The following LOXHD1 variants were observed in gnomAD, a reference collection of about 807,000 sequenced individuals.
The protein encoded by LOXHD1 is lipoxygenase homology PLAT domains 1.
A neutral mutation model predicts 248.2 loss-of-function variants in LOXHD1; 205 were observed. That is an observed-to-expected ratio of 0.83 (90% CI 0.74 to 0.93). The LOEUF (loss-of-function observed/expected upper bound fraction) is 0.93, where lower values mean the gene tolerates loss of function less well. Among genes scored for constraint, LOXHD1 ranks in the 40% least tolerant of loss-of-function variants. The probability of loss-of-function intolerance (pLI) is 0.00; values close to 1 mark genes in which losing one functional copy is unlikely to be tolerated. For missense variants in LOXHD1, 2,930 were observed against 2,971.6 expected (o/e 0.99, Z 0.33); for synonymous variants, 1,113 against 1,162.8 (o/e 0.96, Z 0.87).
intron 34 of LOXHD1, among the ~76,000 whole-genome samples, chr18:46,513,635 A>T (rs1312951895): frequency 6.6e-6 from 1 of 152,230 alleles, no homozygotes; most frequent in African/African-American, 2.4e-5. Context: ...AGCTGCAAGG[A>T]GTGGATTCTC....
At position 46,560,138 on chromosome 18, in the gene LOXHD1, C is replaced by A; in HGVS notation, c.3006G>T (p.Lys1002Asn). The change falls in exon 19 of 41, where the codon AAG becomes AAT. Residue 1002 changes from lysine (K) to asparagine (N), a missense_variant. Physicochemically the swap from Lys to Asn is moderately conservative, Grantham distance 94. Coordinates refer to ENST00000642948, the MANE Select transcript of LOXHD1 (RefSeq NM_001384474.1). The stretch of plus-strand genomic sequence containing the variant: ...ACTCCACGACAAGTTCGTTGTCCTC[C>A]TTGCCCCGGGCCAGCCAGCGGTGGG... ...FEAHRWLARG[K>N]EDNELVVELV... The A allele has an allele frequency of 6.4e-7, 1 of 1,551,194 alleles. No homozygotes were observed. Among genetic ancestry groups the A allele is most frequent in the Non-Finnish European group, 8.7e-7 (1 of 1,146,798 alleles).
At chr18:46,533,140 AG>A (rs993338885) in intron 28 of LOXHD1, 21 bp downstream of exon 28, 1 of 1,551,110 alleles carries the variant, frequency 6.4e-7, no homozygotes, top group Non-Finnish European at 8.7e-7. Flanking sequence ...CATGGTGATG[AG>A]GGTGGCCACA....
intron 14 of LOXHD1, among the ~76,000 whole-genome samples, chr18:46,572,736 T>C (rs571841943): frequency 5.2e-4 from 79 of 152,048 alleles, no homozygotes; most frequent in Non-Finnish European, 7.1e-4. Context: ...TATGCTAGGA[T>C]ACGTAAGGCC....
chr18:46,639,870 C>T (rs1231988088), intron 3 of LOXHD1, 70 bp from the exon 4 acceptor site: 2 of 1,512,796 alleles, frequency 1.3e-6, no homozygotes, highest in East Asian at 2.5e-5. Context: ...TACTGGAATA[C>T]CCAGATGTTT....
At position 46,518,195 on chromosome 18, in the gene LOXHD1, A is replaced by G. The variant is rs1410410070; in HGVS notation, c.5333T>C (p.Ile1778Thr). Residue 1778 changes from isoleucine (I) to threonine (T), a missense_variant, in exon 34 of 41, where the codon ATC (isoleucine) becomes ACC (threonine). Coordinates refer to ENST00000642948, the MANE Select transcript of LOXHD1 (RefSeq NM_001384474.1). Reference sequence around the variant, plus strand: ...GTTGATGCCGTAGAGGGTCATGAAGATGTTGGAGTCAGTGCCCCCGCCAAC... The same window carrying G: ...GTTGATGCCGTAGAGGGTCATGAAGGTGTTGGAGTCAGTGCCCCCGCCAAC... ...DVVGGGTDSN[I>T]FMTLYGINGS... 1 of 1,551,688 alleles carries G rather than the reference A, an allele frequency of 6.4e-7. No individual in the cohort carries two copies. The highest frequency in any genetic ancestry group is 2.4e-5 in the East Asian group (1 of 40,914).
At chr18:46,491,143 A>C (rs1288522079) in intron 37 of LOXHD1, among the ~76,000 whole-genome samples, 1 of 152,244 alleles carries the variant, frequency 6.6e-6, no homozygotes, top group Admixed American at 6.5e-5. Context: ...TCCTCCTCCC[A>C]CCATTCATCC....
At chr18:46,544,826 G>A (rs1292984824) in intron 23 of LOXHD1, 1 of 471,472 alleles carries the variant, frequency 2.1e-6, no homozygotes, top group Non-Finnish European at 4.4e-6. Flanking sequence ...ATAATGCTTG[G>A]CACTAGGCTC....
intron 15 of LOXHD1, among the ~76,000 whole-genome samples, chr18:46,571,588 A>T (rs1044338192): frequency 1.3e-5 from 2 of 152,236 alleles, no homozygotes; most frequent in Non-Finnish European, 2.9e-5. Context: ...GCAGAGCTCA[A>T]ATGAGATAAT....
intron 27 of LOXHD1, 76 bp from the exon 28 acceptor site, chr18:46,533,400 C>T (rs1027148451): frequency 1.3e-6 from 2 of 1,486,642 alleles, no homozygotes; most frequent in Non-Finnish European, 1.8e-6. Flanking sequence ...CAGCTCAATA[C>T]TCATGGAGAC....
intron 37 of LOXHD1, among the ~76,000 whole-genome samples, chr18:46,499,663 T>C (rs2034101091): frequency 6.6e-6 from 1 of 151,906 alleles, no homozygotes; most frequent in South Asian, 2.1e-4. Context: ...GTGTGTGGTG[T>C]GTGTTTGTGT....
At chr18:46,629,792 TA>T (rs774591794) in intron 4 of LOXHD1, among the ~76,000 whole-genome samples, 606 of 126,556 alleles carry the variant, frequency 4.8e-3, no homozygotes, top group East Asian at 8.7e-3. Flanking sequence ...CACTGGGCAT[TA>T]AAAAAAAAAA....
chr18:46,571,896 C>T (rs574590390), intron 15 of LOXHD1, among the ~76,000 whole-genome samples, 190 bp downstream of exon 15: 21 of 152,326 alleles, frequency 1.4e-4, no homozygotes, highest in African/African-American at 4.6e-4. Flanking sequence ...CACCTGAGGC[C>T]ACAAAGAGAC....
intron 2 of LOXHD1, among the ~76,000 whole-genome samples, chr18:46,642,531 A>C (rs1030074187): frequency 6.6e-6 from 1 of 152,234 alleles, no homozygotes; most frequent in African/African-American, 2.4e-5. Context: ...GTGGCAGTCC[A>C]TGGTCCTGCC....
At chr18:46,533,936 T>C (rs2036191953) in intron 27 of LOXHD1, among the ~76,000 whole-genome samples, 2 of 152,176 alleles carry the variant, frequency 1.3e-5, no homozygotes, top group Admixed American at 1.3e-4. Context: ...AATTGCTCCC[T>C]CTTCATTCAT....
chr18:46,575,913 G>A (rs1432845842), intron 14 of LOXHD1, among the ~76,000 whole-genome samples: 3 of 152,088 alleles, frequency 2.0e-5, no homozygotes, highest in Non-Finnish European at 2.9e-5. Flanking sequence ...TCGCCCTGCC[G>A]GACAGTGGCC....
At chr18:46,607,820 G>A (rs1217778537) in intron 6 of LOXHD1, among the ~76,000 whole-genome samples, 1 of 152,032 alleles carries the variant, frequency 6.6e-6, no homozygotes, top group Non-Finnish European at 1.5e-5. Context: ...TTGGAAGGTA[G>A]AGAATGGAAA....
At chr18:46,544,697 G>T (rs1486982038) in intron 23 of LOXHD1, 4 of 398,348 alleles carry the variant, frequency 1.0e-5, no homozygotes, top group Non-Finnish European at 2.1e-5. Context: ...GCTAATAAAT[G>T]GTGGAGTGGA....
At position 46,593,620 on chromosome 18, in the gene LOXHD1, C is replaced by A. The variant is rs370135563; in HGVS notation, c.1411G>T (p.Gly471Cys). The A allele has an allele frequency of 1.1e-5, 17 of 1,552,168 alleles. No individual in the cohort carries two copies. The African/African-American group carries it at 1.5e-4, about 14-fold the overall frequency. ...CCTACCCTAAACTTCTCGATTATGC[C>A]GGGTTTGAACCACTTGTTGTTGGGA... Reference protein sequence around the residue: ...LNPNNKWFKPGIIEKFRIELP... With the variant: ...LNPNNKWFKPCIIEKFRIELP... Residue 471 changes from glycine to cysteine, a missense_variant, in exon 10 of 41, where the codon GGC becomes TGC. Gly to Cys is a radical substitution (Grantham distance 159). Coordinates refer to ENST00000642948, the MANE Select transcript of LOXHD1 (RefSeq NM_001384474.1).
chr18:46,554,158 C>T (rs2037223855), intron 21 of LOXHD1, among the ~76,000 whole-genome samples: 1 of 152,000 alleles, frequency 6.6e-6, no homozygotes, highest in African/African-American at 2.4e-5. Context: ...CAGGAAGCTT[C>T]GATCAGGGGG....
Sources: gnomAD v4.1 joint callset for allele counts (sites outside exome capture counted in the v4.1 genomes callset) on GRCh38, gnomAD v4.1.1 for gene constraint, MANE v1.5 for transcripts, NCBI Gene and HGNC (gene_info 2026-07-23, HGNC 2026-07-21) for gene names.